EDIL3: variants seen among roughly 807,000 people sequenced by gnomAD.
EDIL3 encodes the protein EGF like and discoidin domains 3.
A neutral mutation model predicts 67.4 loss-of-function variants in EDIL3; 37 were observed. The ratio of observed to expected loss-of-function variants is 0.55; its 90% CI spans 0.42 to 0.72. The LOEUF is 0.72. Among genes scored for constraint, EDIL3 ranks in the 30% least tolerant of loss-of-function variants. The probability of loss-of-function intolerance (pLI) is 0.00; values close to 1 mark genes in which losing one functional copy is unlikely to be tolerated. For missense variants in EDIL3, 527 were observed against 586.3 expected (o/e 0.90, Z 1.04); for synonymous variants, 195 against 196.3 (o/e 0.99, Z 0.05).
chr5:84,007,235 C>T (rs1033821491), intron 9 of EDIL3, among the ~76,000 whole-genome samples: 1 of 151,928 alleles, frequency 6.6e-6, no homozygotes, highest in Non-Finnish European at 1.5e-5. Flanking sequence ...TGAGTGATAC[C>T]CCACAAGTAC....
intron 1 of EDIL3, among the ~76,000 whole-genome samples, chr5:84,362,381 A>G (rs966610619): frequency 6.6e-6 from 1 of 152,144 alleles, no homozygotes; most frequent in Non-Finnish European, 1.5e-5. Flanking sequence ...GTATCTTTCT[A>G]AGATTTTCTG....
rs34360330 is a variant in EDIL3, at chr5:83,987,869, G to GTATATATATATATATATATA, written c.1138-24529_1138-24510dup. 2.1e-3 allele frequency among the ~76,000 whole-genome samples: 294 copies of GTATATATATATATATATATA among 138,314 alleles called. 6 individuals are homozygous for GTATATATATATATATATATA. Among genetic ancestry groups the GTATATATATATATATATATA allele is most frequent in the African/African-American group, 8.1e-3 (278 of 34,384 alleles). The allele number at this position is 138,314 out of a possible 152,430, so 90.7% of individuals were successfully genotyped here. On this transcript the variant is annotated intron_variant, in intron 9 of 10. Coordinates refer to ENST00000296591, the MANE Select transcript of EDIL3 (RefSeq NM_005711.5). ...CAGCTGATAGGGTGTGTGTGTGTAT[G>GTATATATATATATATATATA]TATATATATATATATATATATATAG...
intron 10 of EDIL3, among the ~76,000 whole-genome samples, chr5:83,945,199 C>T (rs978899564): frequency 6.6e-5 from 10 of 151,968 alleles, no homozygotes; most frequent in Non-Finnish European, 2.9e-5. Flanking sequence ...AGGAATAATT[C>T]ATTCTGGACT....
chr5:84,068,729 G>A (rs1226475856), intron 6 of EDIL3, among the ~76,000 whole-genome samples: 1 of 152,082 alleles, frequency 6.6e-6, no homozygotes, highest in Non-Finnish European at 1.5e-5. Flanking sequence ...ACAGGCTCAG[G>A]CTCACTAAGT....
intron 9 of EDIL3, among the ~76,000 whole-genome samples, chr5:83,979,400 T>C (rs1331187207): frequency 6.6e-6 from 1 of 152,074 alleles, no homozygotes; most frequent in Admixed American, 6.6e-5. Context: ...GATTCAGGAA[T>C]TGCACTCCTA....
At chr5:84,111,399 G>A (rs892833420) in intron 5 of EDIL3, among the ~76,000 whole-genome samples, 7 of 152,112 alleles carry the variant, frequency 4.6e-5, no homozygotes, top group East Asian at 1.9e-4. Flanking sequence ...TATCTAATAC[G>A]GATAGGCAAA....
chr5:84,108,507 C>T (rs1747503167), intron 5 of EDIL3, among the ~76,000 whole-genome samples: 1 of 152,082 alleles, frequency 6.6e-6, no homozygotes, highest in South Asian at 2.1e-4. Context: ...AGAAGCCATT[C>T]ATTAGTAGAA....
intron 1 of EDIL3, among the ~76,000 whole-genome samples, chr5:84,296,892 A>C (rs571377004): frequency 6.6e-6 from 1 of 152,310 alleles, no homozygotes; most frequent in South Asian, 2.1e-4. Context: ...TAAGAAAAAA[A>C]ACCAAACAGG....
chr5:84,001,396 A>T (rs1165482341), intron 9 of EDIL3, among the ~76,000 whole-genome samples: 1 of 152,154 alleles, frequency 6.6e-6, no homozygotes, highest in Non-Finnish European at 1.5e-5. Flanking sequence ...AATGCTTTCT[A>T]AAAAACTAGA....
At chr5:83,955,743 T>A (rs1744503736) in intron 10 of EDIL3, among the ~76,000 whole-genome samples, 1 of 151,810 alleles carries the variant, frequency 6.6e-6, no homozygotes, top group Non-Finnish European at 1.5e-5. Flanking sequence ...CTGCCTGATG[T>A]ATATTTGTTT....
intron 9 of EDIL3, among the ~76,000 whole-genome samples, chr5:84,047,311 T>TCTTA (rs1473342297): frequency 3.3e-5 from 5 of 152,152 alleles, no homozygotes; most frequent in African/African-American, 1.2e-4. Flanking sequence ...ACTTACTATA[T>TCTTA]CTTACTTCCT....
intron 2 of EDIL3, among the ~76,000 whole-genome samples, chr5:84,251,346 C>T (rs1231920029): frequency 6.6e-6 from 1 of 151,146 alleles, no homozygotes; most frequent in Non-Finnish European, 1.5e-5. Context: ...CTCCTGACTT[C>T]GTGATCCGCC....
chr5:84,299,423 C>T (rs1746112569), intron 1 of EDIL3, among the ~76,000 whole-genome samples: 2 of 152,092 alleles, frequency 1.3e-5, no homozygotes, highest in East Asian at 1.9e-4. Flanking sequence ...TCTGAAAATG[C>T]TTTCTTTCCT....
chr5:84,088,591 GTT>G (rs755069340), intron 6 of EDIL3, among the ~76,000 whole-genome samples: 62 of 152,094 alleles, frequency 4.1e-4, no homozygotes, highest in Non-Finnish European at 6.6e-4. Context: ...ATTGAACATA[GTT>G]TTTCTTTTTT....
rs570490980 is a variant in EDIL3 at position 84,367,482 on chromosome 5, A to G, written c.67+16826T>C. Reference sequence around the variant, plus strand: ...CAATGAGACTGAATCTCAGCACTCAATATAAAAAGGGAATCTGAGCTAGGA... The same window carrying G: ...CAATGAGACTGAATCTCAGCACTCAGTATAAAAAGGGAATCTGAGCTAGGA... On this transcript the variant is annotated intron_variant, in intron 1 of 10. Coordinates refer to ENST00000296591, the MANE Select transcript of EDIL3 (RefSeq NM_005711.5). 1.1e-4 allele frequency among the ~76,000 whole-genome samples: 17 copies of G among 152,282 alleles called. No homozygotes were observed. The South Asian group carries it at 1.2e-3, about 11-fold the overall frequency.
chr5:83,959,965 T>G (rs1311834837), intron 10 of EDIL3, among the ~76,000 whole-genome samples: 2 of 150,996 alleles, frequency 1.3e-5, no homozygotes, highest in African/African-American at 4.8e-5. Flanking sequence ...AAAATTCTTT[T>G]CTATGTAAAA....
rs1480384886 is a variant in EDIL3, at chr5:84,379,286, T to C, written c.67+5022A>G. 2.0e-5 allele frequency among the ~76,000 whole-genome samples: 3 copies of C among 152,172 alleles called. No individual in the cohort carries two copies. The East Asian group carries it at 5.8e-4, about 29-fold the overall frequency. Reference sequence around the variant, plus strand: ...AATTAGTTCAAGTCCCTGACATCAATTGATGCAGAGGAGTCACATATATAG... The same window carrying C: ...AATTAGTTCAAGTCCCTGACATCAACTGATGCAGAGGAGTCACATATATAG... On this transcript the variant is annotated intron_variant, in intron 1 of 10. Transcript: ENST00000296591.
At chr5:84,246,985 T>C (rs2112067283) in intron 2 of EDIL3, among the ~76,000 whole-genome samples, 1 of 152,328 alleles carries the variant, frequency 6.6e-6, no homozygotes, top group African/African-American at 2.4e-5. Context: ...TATATTTGTT[T>C]GTATGAACTT....
intron 1 of EDIL3, among the ~76,000 whole-genome samples, chr5:84,377,098 G>A (rs561595917): frequency 1.3e-5 from 2 of 152,226 alleles, no homozygotes; most frequent in East Asian, 1.9e-4. Context: ...AGGCCAAGGC[G>A]GGTGGATCAC....
Sources: gnomAD v4.1 joint callset for allele counts (sites outside exome capture counted in the v4.1 genomes callset) on GRCh38, gnomAD v4.1.1 for gene constraint, MANE v1.5 for transcripts, NCBI Gene and HGNC (gene_info 2026-07-23, HGNC 2026-07-21) for gene names.